Variants in MYO5B observed in about 807,000 individuals in gnomAD.
MYO5B encodes the protein myosin VB, also known as unconventional myosin-Vb.
In MYO5B, 143 loss-of-function variants were observed where a neutral mutation model predicts 229.3. That is an observed-to-expected ratio of 0.62 (90% CI 0.54 to 0.72). The LOEUF (loss-of-function observed/expected upper bound fraction) is 0.72, where lower values mean the gene tolerates loss of function less well. Among genes scored for constraint, MYO5B ranks in the 30% least tolerant of loss-of-function variants. The probability of loss-of-function intolerance (pLI) is 0.00; values close to 1 mark genes in which losing one functional copy is unlikely to be tolerated. For synonymous variants in MYO5B, 918 were observed against 885.2 expected (o/e 1.04, Z -0.66); for missense variants, 2,321 against 2,331.0 (o/e 1.00, Z 0.09).
At chr18:50,081,536 C>A (rs879532589) in intron 1 of MYO5B, among the ~76,000 whole-genome samples, 5 of 152,126 alleles carry the variant, frequency 3.3e-5, no homozygotes, top group South Asian at 2.1e-4. Context: ...ACAATCCCTG[C>A]ACTGTAATAC....
At chr18:50,181,406 C>T (rs895633136) in intron 1 of MYO5B, among the ~76,000 whole-genome samples, 4 of 152,158 alleles carry the variant, frequency 2.6e-5, no homozygotes, top group Non-Finnish European at 4.4e-5. Flanking sequence ...AGAGGCCTCA[C>T]AAAATTGGCA....
At chr18:49,941,483 T>C (rs1240479819) in intron 14 of MYO5B, among the ~76,000 whole-genome samples, 5 of 152,164 alleles carry the variant, frequency 3.3e-5, no homozygotes, top group African/African-American at 1.2e-4. Flanking sequence ...ATGCAGAGTC[T>C]AAATAGCTCC....
intron 29 of MYO5B, among the ~76,000 whole-genome samples, chr18:49,857,471 C>T (rs1000185085): frequency 7.9e-5 from 12 of 152,106 alleles, no homozygotes; most frequent in African/African-American, 2.9e-4. Context: ...ACACTACCTG[C>T]TTTTCAATGC....
chr18:50,035,737 T>C (rs1212424611), intron 4 of MYO5B, among the ~76,000 whole-genome samples: 1 of 152,234 alleles, frequency 6.6e-6, no homozygotes, highest in Non-Finnish European at 1.5e-5. Flanking sequence ...AAGTGAAAGA[T>C]TGCAATAATT....
chr18:49,949,853 T>C (rs2025413985), intron 14 of MYO5B, among the ~76,000 whole-genome samples: 4 of 152,210 alleles, frequency 2.6e-5, no homozygotes, highest in African/African-American at 2.4e-5. Flanking sequence ...TAGAAACATA[T>C]GCCTCATAGG....
chr18:49,846,931 C>T (rs887673796), intron 33 of MYO5B, among the ~76,000 whole-genome samples: 4 of 148,062 alleles, frequency 2.7e-5, no homozygotes, highest in African/African-American at 1.0e-4. Flanking sequence ...GTCTTGCCAT[C>T]GAGAATAGCA....
intron 17 of MYO5B, among the ~76,000 whole-genome samples, chr18:49,928,325 A>G (rs2025152438): frequency 6.6e-6 from 1 of 152,212 alleles, no homozygotes; most frequent in Non-Finnish European, 1.5e-5. Flanking sequence ...AACAGTGTGG[A>G]TATTCCTTAA....
intron 14 of MYO5B, among the ~76,000 whole-genome samples, chr18:49,951,136 G>A (rs140317807): frequency 5.9e-5 from 9 of 152,242 alleles, no homozygotes; most frequent in African/African-American, 2.2e-4. Context: ...GGGGAATTAC[G>A]TGCATCCTGT....
intron 7 of MYO5B, among the ~76,000 whole-genome samples, chr18:49,990,228 C>A (rs1229159673): frequency 6.6e-6 from 1 of 152,238 alleles, no homozygotes; most frequent in Admixed American, 6.5e-5. Flanking sequence ...CTTATCCTCT[C>A]ATACACTTCC....
chr18:50,180,511 C>T (rs1416282555), intron 1 of MYO5B, among the ~76,000 whole-genome samples: 1 of 152,210 alleles, frequency 6.6e-6, no homozygotes, highest in African/African-American at 2.4e-5. Context: ...TCCTTCCCAC[C>T]TACCCGCTCC....
At position 49,875,691 on chromosome 18, in the gene MYO5B, A is replaced by T. The variant is rs756841154; in HGVS notation, c.3533T>A (p.Val1178Asp). ...EKREQQDSKK[V>D]QAEPPQTDID... ...CACTGCAGCCCCTTCACGTACCTGG[A>T]CTTTCTTGCTGTCCTGCTGTTCTCT... The change falls in exon 26 of 40, where the codon GTC becomes GAC. Residue 1178 changes from valine to aspartate, a missense_variant. Coordinates refer to ENST00000285039, the MANE Select transcript of MYO5B (RefSeq NM_001080467.3). 2.5e-6 allele frequency: 4 copies of T among 1,613,996 alleles called. No individual in the cohort carries two copies. Among genetic ancestry groups the T allele is most frequent in the Admixed American group, 1.7e-5 (1 of 60,004 alleles).
At chr18:49,910,353 T>C (rs2024944346) in intron 18 of MYO5B, among the ~76,000 whole-genome samples, 1 of 152,174 alleles carries the variant, frequency 6.6e-6, no homozygotes, top group Admixed American at 6.5e-5. Flanking sequence ...AGGGAAACTA[T>C]GATCCTAGAC....
At chr18:49,891,396 T>C (rs955578713) in intron 22 of MYO5B, among the ~76,000 whole-genome samples, 1 of 152,180 alleles carries the variant, frequency 6.6e-6, no homozygotes, top group African/African-American at 2.4e-5. Context: ...TCACGTTAGA[T>C]TCCTCTCTGT....
intron 39 of MYO5B, 115 bp from the exon 40 acceptor site, chr18:49,826,738 G>A (rs1192427587): frequency 7.9e-7 from 1 of 1,268,170 alleles, no homozygotes; most frequent in Non-Finnish European, 1.1e-6. Context: ...CGACAATTAG[G>A]TAGAACTTCA....
At chr18:49,844,599 A>G (rs919692728) in intron 33 of MYO5B, among the ~76,000 whole-genome samples, 1 of 152,222 alleles carries the variant, frequency 6.6e-6, no homozygotes. Context: ...TAGTTAAATG[A>G]TAACTGTAGG....
chr18:50,172,288 C>CAAAAAAAAAAAAAAAAAAAAAAAA (rs55973734), intron 1 of MYO5B, among the ~76,000 whole-genome samples: 1 of 90,522 alleles, frequency 1.1e-5, no homozygotes. Context: ...CAAAAAAAGA[C>CAAAAAAAAAAAAAAAAAAAAAAAA]AAAAAAAAAA....
chr18:49,999,001 A>C (rs986449680), intron 5 of MYO5B, among the ~76,000 whole-genome samples: 4 of 152,242 alleles, frequency 2.6e-5, no homozygotes, highest in African/African-American at 7.2e-5. Context: ...GGTAAACTTT[A>C]TGCTATGTGT....
intron 1 of MYO5B, among the ~76,000 whole-genome samples, chr18:50,173,940 GGT>G (rs1250371541): frequency 6.6e-6 from 1 of 152,120 alleles, no homozygotes; most frequent in Non-Finnish European, 1.5e-5. Context: ...ATTCTTTCTG[GGT>G]GTGTCTGCGA....
At chr18:50,020,334 G>C (rs759825680) in intron 4 of MYO5B, among the ~76,000 whole-genome samples, 2 of 152,294 alleles carry the variant, frequency 1.3e-5, no homozygotes, top group Non-Finnish European at 2.9e-5. Flanking sequence ...AAAAGGCCTG[G>C]AACAGTCCCT....
Sources: gnomAD v4.1 joint callset for allele counts (sites outside exome capture counted in the v4.1 genomes callset) on GRCh38, gnomAD v4.1.1 for gene constraint, MANE v1.5 for transcripts, NCBI Gene and HGNC (gene_info 2026-07-23, HGNC 2026-07-21) for gene names.